PCDHGB4: variants seen among roughly 807,000 people sequenced by gnomAD.
PCDHGB4 encodes protocadherin gamma-B4.
A neutral mutation model predicts 60.5 loss-of-function variants in PCDHGB4; 38 were observed. That is an observed-to-expected ratio of 0.63 (90% CI 0.48 to 0.82). The LOEUF is 0.82. Among genes scored for constraint, PCDHGB4 ranks in the 40% least tolerant of loss-of-function variants. The probability of loss-of-function intolerance (pLI) is 0.00; values close to 1 mark genes in which losing one functional copy is unlikely to be tolerated. For synonymous variants in PCDHGB4, 456 were observed against 509.7 expected, an observed-to-expected ratio of 0.89 and a Z score of 1.42; for missense variants, 1,109 against 1,209.6, an observed-to-expected ratio of 0.92 and a Z score of 1.23.
At position 141,486,927 on chromosome 5, in the gene PCDHGB4, G is replaced by A; in HGVS notation, c.2398-7880G>A. ...CCCCAAGCACTGCCTCCATCAGTTG[G>A]TGCTGGCCACCTAATCACAAAGGTG... On this transcript the variant is annotated intron_variant, in intron 1 of 3. Transcript: ENST00000519479. The surrounding 1 kb of genome is among the most constrained non-coding windows in gnomAD (Gnocchi z 5.0). 4 of 1,614,226 alleles carry A rather than the reference G, an allele frequency of 2.5e-6. No individual in the cohort carries two copies. Among genetic ancestry groups the A allele is most frequent in the Non-Finnish European group, 3.4e-6 (4 of 1,180,046 alleles).
At chr5:141,409,898 G>A in intron 1 of PCDHGB4, 1 of 1,613,240 alleles carries the variant, frequency 6.2e-7, no homozygotes, top group Non-Finnish European at 8.5e-7. Flanking sequence ...GCTGTACCCA[G>A]CTCTGGGTCC....
chr5:141,427,883 C>G (rs2097084423), intron 1 of PCDHGB4: 3 of 1,563,818 alleles, frequency 1.9e-6, no homozygotes, highest in Non-Finnish European at 1.7e-6. Flanking sequence ...TGCAGGCCCA[C>G]GACCAGGGCT....
chr5:141,406,877 A>T (rs4912750), intron 1 of PCDHGB4, among the ~76,000 whole-genome samples: 9,155 of 152,322 alleles, frequency 0.06, 381 homozygotes, highest in Non-Finnish European at 0.089. Flanking sequence ...ACTGCTGGGA[A>T]GATTCTAAAA....
In PCDHGB4 at chr5:141,481,831, G is replaced by A. The variant is rs35816779; in HGVS notation, c.2398-12976G>A. On this transcript the variant is annotated intron_variant, in intron 1 of 3. Coordinates refer to ENST00000519479, the MANE Select transcript of PCDHGB4 (RefSeq NM_003736.4). ...ACCAGGCGTGGTGGCTGAGGCAGGAGAATCGCTTGATGGTGGAGGTTGCAG... is the reference window on the plus strand; with the variant it reads ...ACCAGGCGTGGTGGCTGAGGCAGGAAAATCGCTTGATGGTGGAGGTTGCAG... Among the ~76,000 whole-genome samples the A allele has an allele frequency of 1.9e-3, 280 of 149,560 alleles. 1 individual carries two copies. The highest frequency in any genetic ancestry group is 0.01 in the Middle Eastern group (3 of 290).
At position 141,409,906 on chromosome 5, in the gene PCDHGB4, T is replaced by C. The variant is rs779572711; in HGVS notation, c.2397+19625T>C. Reference sequence around the variant, plus strand: ...CGCGGGTGCTGTACCCAGCTCTGGGTCCTGACGGCTCCGCGTTCTTCGATA... The same window carrying C: ...CGCGGGTGCTGTACCCAGCTCTGGGCCCTGACGGCTCCGCGTTCTTCGATA... On this transcript the variant is annotated intron_variant, in intron 1 of 3. Transcript: ENST00000519479. 6 of 1,613,214 alleles carry C rather than the reference T, an allele frequency of 3.7e-6. No homozygotes were observed. The South Asian group carries it at 6.6e-5, about 18-fold the overall frequency.
At chr5:141,414,288 C>T (rs368826232) in intron 1 of PCDHGB4, 40 of 1,613,502 alleles carry the variant, frequency 2.5e-5, no homozygotes, top group South Asian at 4.4e-5. Context: ...CAGTCGTAGC[C>T]CTTTTAAATG....
chr5:141,408,973 T>C (rs754120948), intron 1 of PCDHGB4: 8 of 1,613,718 alleles, frequency 5.0e-6, no homozygotes, highest in South Asian at 1.1e-5. Context: ...ATCTGCCCCC[T>C]GGGTCCCCTG....
rs978109236 is a variant in PCDHGB4, at chr5:141,418,889, A to G, written c.2397+28608A>G. 1.9e-6 allele frequency: 3 copies of G among 1,614,020 alleles called. No homozygotes were observed. The African/African-American group carries it at 4.0e-5, about 21-fold the overall frequency. On this transcript the variant is annotated intron_variant, in intron 1 of 3. Coordinates refer to ENST00000519479, the MANE Select transcript of PCDHGB4 (RefSeq NM_003736.4). Reference sequence around the variant, plus strand: ...AGAAGTTGTAGACGAAAACGACAACAGCCCAGAAATAATCATCACGTCACT... The same window carrying G: ...AGAAGTTGTAGACGAAAACGACAACGGCCCAGAAATAATCATCACGTCACT...
chr5:141,511,230 C>A lies in PCDHGB4; in HGVS notation c.*57C>A. On this transcript the variant is annotated 3_prime_UTR_variant, in exon 4 of 4. Transcript: ENST00000519479. ...CCTCTCCCCAACCAGCCCAGCTTCT[C>A]CTTACCTGCACCCAGGCCTCAGAGT... 6.3e-7 allele frequency: 1 copy of A among 1,597,914 alleles called. No homozygotes were observed. The highest frequency in any genetic ancestry group is 1.1e-5 in the South Asian group (1 of 89,144).
Position 141,485,730 on chromosome 5 carries a change from G to A in PCDHGB4, c.2398-9077G>A. On this transcript the variant is annotated intron_variant, in intron 1 of 3. Coordinates refer to ENST00000519479, the MANE Select transcript of PCDHGB4 (RefSeq NM_003736.4). This position sits in a 1 kb window ranked among gnomAD's most constrained non-coding sequence, Gnocchi z 5.7. ...TTTGCACTGGATGTGAAGAAGCGCA[G>A]CGACGGCAGCCTGGTCCCAGAGCTG... is the stretch of plus-strand genomic sequence containing the variant. 1 of 1,614,200 alleles carries A rather than the reference G, an allele frequency of 6.2e-7. No individual in the cohort carries two copies. Among genetic ancestry groups the A allele is most frequent in the Non-Finnish European group, 8.5e-7 (1 of 1,180,024 alleles).
At chr5:141,402,639 A>C (rs886333954) in intron 1 of PCDHGB4, among the ~76,000 whole-genome samples, 2 of 152,250 alleles carry the variant, frequency 1.3e-5, no homozygotes. Flanking sequence ...ATCTAAAATC[A>C]TAATTAGAAG....
intron 1 of PCDHGB4, chr5:141,403,017 T>C: frequency 6.2e-7 from 1 of 1,614,064 alleles, no homozygotes; most frequent in South Asian, 1.1e-5. Context: ...CTCCTGGGGA[T>C]GCTATGGGAG....
rs551289441 is a variant in PCDHGB4, at chr5:141,444,102, C to T, written c.2398-50705C>T. ...TGAAAAGTCTGCTAAGGATTGGAAACCAAGAAAAGTGAAGTATCTCAACAG... is the reference window on the plus strand; with the variant it reads ...TGAAAAGTCTGCTAAGGATTGGAAATCAAGAAAAGTGAAGTATCTCAACAG... On this transcript the variant is annotated intron_variant, in intron 1 of 3. Coordinates refer to ENST00000519479, the MANE Select transcript of PCDHGB4 (RefSeq NM_003736.4). Among the ~76,000 whole-genome samples the T allele has an allele frequency of 1.5e-3, 216 of 144,128 alleles. 1 individual carries two copies. Among genetic ancestry groups the T allele is most frequent in the African/African-American group, 5.4e-3 (211 of 38,798 alleles). 94.6% of individuals were successfully genotyped at this position (144,128 alleles called of 152,430 possible).
intron 2 of PCDHGB4, among the ~76,000 whole-genome samples, chr5:141,495,703 GGAGT>G (rs2099763108): frequency 6.6e-6 from 1 of 152,098 alleles, no homozygotes; most frequent in South Asian, 2.1e-4. Context: ...CAATAAATGT[GGAGT>G]GAGTAACTAC....
chr5:141,418,533 C>G, intron 1 of PCDHGB4: 1 of 1,614,032 alleles, frequency 6.2e-7, no homozygotes, highest in Non-Finnish European at 8.5e-7. Flanking sequence ...CGAAGCGGTA[C>G]TGCTCAGATA....
chr5:141,399,131 A>T, intron 1 of PCDHGB4: 1 of 1,613,856 alleles, frequency 6.2e-7, no homozygotes, highest in African/African-American at 1.3e-5. Context: ...AATATTCAAG[A>T]TGAAAATGAC....
intron 1 of PCDHGB4, among the ~76,000 whole-genome samples, chr5:141,458,449 A>G (rs1483902182): frequency 6.6e-6 from 1 of 152,086 alleles, no homozygotes; most frequent in Non-Finnish European, 1.5e-5. Context: ...CCACATTAAC[A>G]ATTTTTAAAA....
At position 141,491,828 on chromosome 5, in the gene PCDHGB4, G is replaced by C. The variant is rs1389234164; in HGVS notation, c.2398-2979G>C. ...CTTGGTCGCTGGCTGCGCTCCACCC[G>C]ATTCTCGGGATCATTGGACCGTTTG... On this transcript the variant is annotated intron_variant, in intron 1 of 3. Coordinates refer to ENST00000519479, the MANE Select transcript of PCDHGB4 (RefSeq NM_003736.4). The surrounding 1 kb of genome is among the most constrained non-coding windows in gnomAD (Gnocchi z 6.9). 4.1e-6 allele frequency: 6 copies of C among 1,475,668 alleles called. No homozygotes were observed. The highest frequency in any genetic ancestry group is 5.4e-6 in the Non-Finnish European group (6 of 1,113,522). 91.4% of individuals were successfully genotyped at this position (1,475,668 alleles called of 1,614,324 possible).
In PCDHGB4 at chr5:141,389,202, A is replaced by G. The variant is rs2091644944; in HGVS notation, c.1318A>G (p.Ile440Val). The change falls in exon 1 of 4, where the codon ATT (isoleucine) becomes GTT (valine). Residue 440 changes from isoleucine (I) to valine (V), a missense_variant. Transcript: ENST00000519479. ...CTCCAGTTCCAGCATCACCCTGCAC[A>G]TTGGTGATGTAAATGACAACGCTCC... Reference protein sequence around the residue: ...LSSSSSITLHIGDVNDNAPVF... With the variant: ...LSSSSSITLHVGDVNDNAPVF... 10 of 1,613,852 alleles carry G rather than the reference A, an allele frequency of 6.2e-6. No individual in the cohort carries two copies. Among genetic ancestry groups the G allele is most frequent in the Non-Finnish European group, 8.5e-6 (10 of 1,179,868 alleles).
Sources: allele counts gnomAD v4.1 joint callset (sites outside exome capture counted in the v4.1 genomes callset), GRCh38; gene constraint gnomAD v4.1.1; non-coding constraint Gnocchi (gnomAD v3.1); transcripts MANE v1.5; gene names NCBI Gene and HGNC (gene_info 2026-07-23, HGNC 2026-07-21).